DMD: variants seen among roughly 807,000 people sequenced by gnomAD.
The protein encoded by DMD is mutant dystrophin.
DMD carries 63 observed loss-of-function variants against 330.1 expected under a neutral mutation model. The observed-to-expected ratio is 0.19, with a 90% CI of 0.16 to 0.24. The LOEUF (loss-of-function observed/expected upper bound fraction) is 0.24. Ranked by LOEUF, DMD falls within the 10% of genes least tolerant of loss-of-function variation. The pLI is 1.00. For synonymous variants in DMD, 1,223 were observed against 959.8 expected (o/e 1.27, Z -5.07); for missense variants, 3,344 against 2,684.1 (o/e 1.25, Z -5.43).
intron 1 of DMD, among the ~76,000 whole-genome samples, chrX:33,165,724 A>G (rs2049017161): frequency 8.9e-6 from 1 of 111,893 alleles, no homozygotes; most frequent in South Asian, 3.7e-4. Context: ...CAAACAGAAT[A>G]AAAGAAGTAC....
intron 72 of DMD, among the ~76,000 whole-genome samples, chrX:31,172,833 T>A (rs1053386642): frequency 1.8e-5 from 2 of 111,744 alleles, no homozygotes; most frequent in African/African-American, 6.5e-5. Context: ...GGTAAACATG[T>A]CCAGCAGTTA....
chrX:31,763,936 C>T (rs763944666), intron 51 of DMD, among the ~76,000 whole-genome samples: 9 of 111,106 alleles, frequency 8.1e-5, no homozygotes, highest in South Asian at 3.8e-4. Flanking sequence ...AATCCAGTGG[C>T]GCTATCATAG....
chrX:32,528,910 T>C lies in DMD; in HGVS notation c.2169-10779A>G, dbSNP rs1332509758. Among the ~76,000 whole-genome samples the C allele has an allele frequency of 6.7e-4, 65 of 97,115 alleles. 1 individual carries two copies. The highest frequency in any genetic ancestry group is 1.0e-2 in the Middle Eastern group (2 of 201). The allele number at this position is 97,115 out of a possible 115,157, so 84.3% of individuals were successfully genotyped here. The stretch of plus-strand genomic sequence containing the variant: ...TGGACCAAACCAATGTATTTCTTTT[T>C]TTTTTTTTTTTTTTTAATTTTATTT... On this transcript the variant is annotated intron_variant, in intron 17 of 78. Coordinates refer to ENST00000357033, the MANE Select transcript of DMD (RefSeq NM_004006.3).
intron 54 of DMD, among the ~76,000 whole-genome samples, chrX:31,637,990 G>A (rs760775328): frequency 9.0e-6 from 1 of 111,437 alleles, no homozygotes; most frequent in Admixed American, 9.6e-5. Flanking sequence ...TGAAAGTGAA[G>A]GGGTGGACTA....
intron 44 of DMD, among the ~76,000 whole-genome samples, chrX:32,100,509 A>C (rs2096534835): frequency 9.1e-6 from 1 of 109,989 alleles, no homozygotes; most frequent in African/African-American, 3.3e-5. Context: ...TTCTTCCTCC[A>C]CAATTGTTTT....
intron 71 of DMD, among the ~76,000 whole-genome samples, chrX:31,176,020 T>C (rs1473425048): frequency 9.0e-6 from 1 of 111,692 alleles, no homozygotes; most frequent in Admixed American, 9.5e-5. Flanking sequence ...GGATCAAATA[T>C]TGTAATCATC....
intron 44 of DMD, among the ~76,000 whole-genome samples, chrX:32,027,826 C>T (rs1371381342): frequency 8.9e-6 from 1 of 112,487 alleles, no homozygotes; most frequent in Admixed American, 9.4e-5. Flanking sequence ...CACATCAGAC[C>T]ATTCAGTATT....
At chrX:31,326,035 C>A (rs1387354667) in intron 61 of DMD, among the ~76,000 whole-genome samples, 2 of 108,357 alleles carry the variant, frequency 1.8e-5, no homozygotes, top group Non-Finnish European at 3.8e-5. Context: ...GCAGAAGAAT[C>A]ACTTTGGATT....
At chrX:32,478,355 C>A (rs1200573426) in intron 21 of DMD, among the ~76,000 whole-genome samples, 1 of 111,665 alleles carries the variant, frequency 9.0e-6, no homozygotes, top group Non-Finnish European at 1.9e-5. Flanking sequence ...CCAACCAGAT[C>A]CCACCTTTTT....
At chrX:32,315,514 T>TAA (rs200093370) in intron 41 of DMD, among the ~76,000 whole-genome samples, 1 of 101,665 alleles carries the variant, frequency 9.8e-6, no homozygotes, top group African/African-American at 3.6e-5. Context: ...TAAGTATAAT[T>TAA]AAAAAAAAAA....
At chrX:32,210,707 C>G (rs2097090391) in intron 44 of DMD, among the ~76,000 whole-genome samples, 1 of 111,689 alleles carries the variant, frequency 9.0e-6, no homozygotes, top group Non-Finnish European at 1.9e-5. Context: ...AACTCATTCT[C>G]TGTAGCAGAT....
chrX:31,530,276 C>G (rs1015737554), intron 55 of DMD, among the ~76,000 whole-genome samples: 4 of 112,085 alleles, frequency 3.6e-5, no homozygotes, highest in Admixed American at 9.5e-5. Context: ...GGATGAAGAA[C>G]TGGTTTAAAC....
intron 2 of DMD, among the ~76,000 whole-genome samples, chrX:32,975,197 C>G (rs2092504771): frequency 9.1e-6 from 1 of 110,206 alleles, no homozygotes; most frequent in East Asian, 2.8e-4. Flanking sequence ...TGTTTGCTTG[C>G]CCAATATCCA....
chrX:32,486,701 C>T (rs1023051717), intron 20 of DMD, among the ~76,000 whole-genome samples: 2 of 105,401 alleles, frequency 1.9e-5, no homozygotes, highest in Admixed American at 1.0e-4. Context: ...ACGCCGCATA[C>T]CTACAACTAT....
intron 57 of DMD, among the ~76,000 whole-genome samples, chrX:31,489,548 C>A (rs758521535): frequency 8.9e-6 from 1 of 111,941 alleles, no homozygotes; most frequent in African/African-American, 3.2e-5. Context: ...AACATAATTT[C>A]ATATATTAAT....
intron 51 of DMD, among the ~76,000 whole-genome samples, chrX:31,754,252 G>A (rs769847475): frequency 9.9e-5 from 11 of 111,165 alleles, no homozygotes; most frequent in Non-Finnish European, 1.9e-4. Context: ...AAATTAGGAG[G>A]GTAAAAATAG....
intron 52 of DMD, among the ~76,000 whole-genome samples, chrX:31,726,506 C>T (rs1335893341): frequency 8.9e-6 from 1 of 112,239 alleles, no homozygotes; most frequent in African/African-American, 3.2e-5. Flanking sequence ...AGACCAAAAT[C>T]ATCAAATGAG....
intron 62 of DMD, chrX:31,267,020 G>A (rs1424171687): frequency 2.7e-5 from 16 of 583,489 alleles, no homozygotes; most frequent in Non-Finnish European, 3.7e-5. Context: ...GCCGTGTCGG[G>A]CTCCGCCCCC....
At chrX:32,696,881 G>A (rs959252002) in intron 9 of DMD, among the ~76,000 whole-genome samples, 17 of 110,993 alleles carry the variant, frequency 1.5e-4, no homozygotes, top group Non-Finnish European at 3.8e-5. Flanking sequence ...GCCAAGGATG[G>A]AGGTCATAAC....
Sources: gnomAD v4.1 joint callset for allele counts (sites outside exome capture counted in the v4.1 genomes callset) on GRCh38, gnomAD v4.1.1 for gene constraint, MANE v1.5 for transcripts, NCBI Gene and HGNC (gene_info 2026-07-23, HGNC 2026-07-21) for gene names.